The following MAP2 variants were observed in gnomAD, a reference collection of about 807,000 sequenced individuals.
MAP2 encodes the protein microtubule associated protein 2.
In MAP2, 14 loss-of-function variants were observed where a neutral mutation model predicts 137.6. The observed-to-expected ratio is 0.10, with a 90% confidence interval of 0.07 to 0.16. The LOEUF (loss-of-function observed/expected upper bound fraction) is 0.16. Among genes scored for constraint, MAP2 ranks in the 10% least tolerant of loss-of-function variants. The pLI is 1.00. For synonymous variants in MAP2, 786 were observed against 782.3 expected, an observed-to-expected ratio of 1.00 and a Z score of -0.08; for missense variants, 2,088 against 2,191.5, an observed-to-expected ratio of 0.95 and a Z score of 0.94.
chr2:209,557,421 T>TG (rs1260631539), intron 2 of MAP2, among the ~76,000 whole-genome samples: 1 of 152,168 alleles, frequency 6.6e-6, no homozygotes, highest in African/African-American at 2.4e-5. Flanking sequence ...AAATGTGGTT[T>TG]TTTTTCCCTG....
rs2059299841 is a variant in MAP2 at position 209,692,822 on chromosome 2, G to A, written c.652G>A (p.Glu218Lys). 1 of 1,612,366 alleles carries A rather than the reference G, an allele frequency of 6.2e-7. No individual in the cohort carries two copies. Among genetic ancestry groups the A allele is most frequent in the Non-Finnish European group, 8.5e-7 (1 of 1,179,540 alleles). The change falls in exon 8 of 16, where the codon GAA (glutamate) becomes AAA (lysine). Residue 218 changes from glutamate (E) to lysine (K), a missense_variant. Physicochemically the swap from Glu to Lys is moderately conservative, Grantham distance 56. Transcript: ENST00000682079. ...TAAAAAGGACATGCAAGGCACGGAA[G>A]AAGAAAAAGCACCCCTAGCTTTGTT... ...PDKKDMQGTE[E>K]EKAPLALFGH...
intron 3 of MAP2, among the ~76,000 whole-genome samples, chr2:209,615,926 C>T (rs945997087): frequency 1.3e-5 from 2 of 152,180 alleles, no homozygotes; most frequent in African/African-American, 4.8e-5. Flanking sequence ...CCAATCAGCA[C>T]ACACTCCCCA....
Position 209,476,342 on chromosome 2 carries a change from A to G in MAP2, c.-221-31250A>G, listed in dbSNP as rs532649165. ...GCTGAAGAAAGAGATCCATTTACAG[A>G]AAGTGGTAAATTAGTCAAACCTGTA... On this transcript the variant is annotated intron_variant, in intron 1 of 15. Transcript: ENST00000682079. Among the ~76,000 whole-genome samples the G allele has an allele frequency of 2.0e-5, 3 of 152,168 alleles. No homozygotes were observed. In the South Asian group the frequency reaches 6.2e-4, roughly 32 times the overall value.
chr2:209,512,584 C>CACAT (rs1406488388), intron 2 of MAP2, among the ~76,000 whole-genome samples: 2 of 150,198 alleles, frequency 1.3e-5, no homozygotes, highest in African/African-American at 4.9e-5. Flanking sequence ...CACACACACA[C>CACAT]ACACACACAC....
intron 2 of MAP2, among the ~76,000 whole-genome samples, chr2:209,542,406 G>A (rs1185258435): frequency 1.3e-5 from 2 of 152,200 alleles, no homozygotes; most frequent in Non-Finnish European, 2.9e-5. Flanking sequence ...TTTTGGAATG[G>A]TAAATGAGCG....
At chr2:209,451,895 A>G (rs73069088) in intron 1 of MAP2, among the ~76,000 whole-genome samples, 14,394 of 152,212 alleles carry the variant, frequency 0.095, 1,464 homozygotes, top group African/African-American at 0.26. Flanking sequence ...AAAGAACCTG[A>G]TAATAGTCAC....
intron 3 of MAP2, among the ~76,000 whole-genome samples, chr2:209,582,630 G>C (rs1489369243): frequency 1.3e-5 from 2 of 151,078 alleles, no homozygotes; most frequent in Admixed American, 6.6e-5. Flanking sequence ...GAGCAACAAA[G>C]CATTTAAGGA....
rs528181205 is a variant in MAP2 at position 209,718,565 on chromosome 2, C to T, written c.5074-7144C>T. ...ACTGAACTCATTAATGTCTATTCCACTAAAACGTTCTTTCCAAATTCTTCA... is the reference window on the plus strand; with the variant it reads ...ACTGAACTCATTAATGTCTATTCCATTAAAACGTTCTTTCCAAATTCTTCA... On this transcript the variant is annotated intron_variant, in intron 13 of 15. Transcript: ENST00000682079. 8.5e-4 allele frequency among the ~76,000 whole-genome samples: 129 copies of T among 152,018 alleles called. 1 individual carries two copies. Among genetic ancestry groups the T allele is most frequent in the African/African-American group, 2.9e-3 (122 of 41,474 alleles).
At chr2:209,558,116 A>T (rs1301954192) in intron 2 of MAP2, among the ~76,000 whole-genome samples, 1 of 152,220 alleles carries the variant, frequency 6.6e-6, no homozygotes, top group Non-Finnish European at 1.5e-5. Context: ...CTTCAGGAAG[A>T]TATATATGTA....
intron 11 of MAP2, chr2:209,704,115 C>A (rs968862627): frequency 6.7e-6 from 3 of 449,928 alleles, no homozygotes; most frequent in Non-Finnish European, 1.3e-5. Context: ...GTTTTTCAAT[C>A]CTTCCCCCAC....
At chr2:209,434,896 TTATATATATATGTTATATATATGTTA>T (rs1559157432) in intron 1 of MAP2, among the ~76,000 whole-genome samples, 5 of 138,392 alleles carry the variant, frequency 3.6e-5, no homozygotes, top group African/African-American at 1.4e-4. Context: ...TATATATATG[TTATATATATATGTTATATATATGTTA>T]TATATATATG....
chr2:209,614,935 G>A (rs1424513081), intron 3 of MAP2, among the ~76,000 whole-genome samples: 2 of 152,136 alleles, frequency 1.3e-5, no homozygotes, highest in African/African-American at 4.8e-5. Flanking sequence ...TGCTTCTAGA[G>A]CTTTTAGCTT....
intron 3 of MAP2, among the ~76,000 whole-genome samples, chr2:209,582,657 TGATAGATAGATAGATA>T (rs66881504): frequency 0.42 from 62,970 of 149,622 alleles, 15,734 homozygotes; most frequent in Non-Finnish European, 0.56. Context: ...GATAGATAGA[TGATAGATAGATAGATA>T]GATAGATAGA....
At chr2:209,662,365 C>T (rs1231083484) in intron 5 of MAP2, among the ~76,000 whole-genome samples, 2 of 152,270 alleles carry the variant, frequency 1.3e-5, no homozygotes, top group South Asian at 2.1e-4. Context: ...TTTCCTCAGA[C>T]GTTTTGGTCC....
rs2057910736 is a variant in MAP2 at position 209,482,904 on chromosome 2, G to A, written c.-221-24688G>A. 2.0e-5 allele frequency among the ~76,000 whole-genome samples: 3 copies of A among 152,162 alleles called. No individual in the cohort carries two copies. In the South Asian group the frequency reaches 6.2e-4, roughly 32 times the overall value. ...TCTGCATTTTACAGAATCATTGTCT[G>A]TTTTTATGAAATATTACAGCCTTAT... is the stretch of plus-strand genomic sequence containing the variant. On this transcript the variant is annotated intron_variant, in intron 1 of 15. Transcript: ENST00000682079.
intron 4 of MAP2, among the ~76,000 whole-genome samples, chr2:209,646,012 C>A (rs1302445437): frequency 1.3e-5 from 2 of 151,994 alleles, no homozygotes; most frequent in African/African-American, 4.8e-5. Flanking sequence ...ATGGCAAAAC[C>A]TTGACTCTCT....
At chr2:209,470,198 A>G (rs527838812) in intron 1 of MAP2, among the ~76,000 whole-genome samples, 2 of 152,348 alleles carry the variant, frequency 1.3e-5, no homozygotes, top group African/African-American at 4.8e-5. Context: ...GTGAAAATCC[A>G]AACAATGCTT....
intron 2 of MAP2, among the ~76,000 whole-genome samples, chr2:209,564,564 A>G (rs201571860): frequency 1.3e-5 from 2 of 150,042 alleles, no homozygotes; most frequent in East Asian, 2.0e-4. Context: ...AGTAAAAAAA[A>G]AAAAAAAAAA....
intron 2 of MAP2, among the ~76,000 whole-genome samples, chr2:209,543,127 A>C (rs939481588): frequency 2.6e-5 from 4 of 152,246 alleles, no homozygotes; most frequent in African/African-American, 9.6e-5. Context: ...TGGTAGAGTT[A>C]TAAATTGGCT....
Sources: allele counts gnomAD v4.1 joint callset (sites outside exome capture counted in the v4.1 genomes callset), GRCh38; gene constraint gnomAD v4.1.1; transcripts MANE v1.5; gene names NCBI Gene and HGNC (gene_info 2026-07-23, HGNC 2026-07-21).